CSF3R: variants seen among roughly 807,000 people sequenced by gnomAD.
The protein encoded by CSF3R is granulocyte colony-stimulating factor receptor.
Under a neutral mutation model 84.4 loss-of-function variants are expected in CSF3R, and 52 were observed. The observed-to-expected ratio is 0.62, with a 90% confidence interval of 0.49 to 0.78. CSF3R has a LOEUF of 0.78. CSF3R is among the 30% of genes least tolerant of loss of function. The probability of loss-of-function intolerance (pLI) is 0.00; values close to 1 mark genes in which losing one functional copy is unlikely to be tolerated. For missense variants in CSF3R, 890 were observed against 1,055.7 expected (o/e 0.84, Z 2.17); for synonymous variants, 384 against 429.1 (o/e 0.89, Z 1.30).
In CSF3R at chr1:36,476,094, C is replaced by G. The variant is rs1365034394; in HGVS notation, c.65-421G>C. ...CCCAGTGCCCTCCCCAAGGATGGTG[C>G]AAGCAGTGATTAGAGTGATAAGAAC... On this transcript the variant is annotated intron_variant, in intron 3 of 16. Coordinates refer to ENST00000373106, the MANE Select transcript of CSF3R (RefSeq NM_000760.4). The G allele has an allele frequency of 2.2e-5, 4 of 178,806 alleles. No individual in the cohort carries two copies. In the East Asian group the frequency reaches 4.3e-4, roughly 19 times the overall value. The allele number at this position is 178,806 out of a possible 1,614,324, so 11.1% of individuals were successfully genotyped here. A position where few individuals can be genotyped will look rare whatever the true frequency, so the allele number is the denominator to read the frequency against.
At position 36,473,819 on chromosome 1, in the gene CSF3R, AC is replaced by A. The variant is rs1291126295; in HGVS notation, c.429del (p.Gln143HisfsTer16). On this transcript the variant is annotated frameshift_variant, in exon 5 of 17. Transcript: ENST00000373106. LOFTEE classifies it high-confidence loss of function. Reference protein sequence around the residue: ...MNLTTSSLICQWEPGPETHLP... With the variant: ...MNLTTSSLICXWEPGPETHLP... ...AGGTGGGTCTCAGGTCCTGGCTCCC[AC>A]TGGCAGATGAGGCTGCTGGTTGTGA... 6.2e-7 allele frequency: 1 copy of A among 1,614,184 alleles called. No individual in the cohort carries two copies. The highest frequency in any genetic ancestry group is 8.5e-7 in the Non-Finnish European group (1 of 1,180,010).
At chr1:36,479,658 C>T in intron 2 of CSF3R, 142 bp from the exon 3 acceptor site, 1 of 713,620 alleles carries the variant, frequency 1.4e-6, no homozygotes, top group South Asian at 1.5e-5. Flanking sequence ...TAACAGCAGC[C>T]TATACTGCAT....
In CSF3R at chr1:36,472,116, A is replaced by G. The variant is rs1440660661; in HGVS notation, c.1021T>C (p.Trp341Arg). The G allele has an allele frequency of 1.2e-6, 2 of 1,613,870 alleles. No individual in the cohort carries two copies. Among genetic ancestry groups the G allele is most frequent in the Non-Finnish European group, 8.5e-7 (1 of 1,180,022 alleles). ...GGGTCCAGCTGCCTCTGCCGCCACC[A>G]TGTGTCCAGTCTGACAGTGGGGGCT... ...ERAPTVRLDT[W>R]WRQRQLDPRT... Residue 341 changes from tryptophan to arginine, a missense_variant, in exon 9 of 17, where the codon TGG becomes CGG. Transcript: ENST00000373106. This position sits in a 1 kb window ranked among gnomAD's most constrained non-coding sequence, Gnocchi z 5.0.
chr1:36,470,560 A>G (rs911565437), intron 10 of CSF3R, among the ~76,000 whole-genome samples: 20 of 152,338 alleles, frequency 1.3e-4, no homozygotes, highest in African/African-American at 4.1e-4. Context: ...CATTTTACTA[A>G]TGAGAAAACT....
intron 2 of CSF3R, among the ~76,000 whole-genome samples, chr1:36,481,219 C>T (rs557828798): frequency 4.6e-5 from 7 of 152,318 alleles, no homozygotes; most frequent in South Asian, 2.1e-4. Flanking sequence ...CCACCCTATC[C>T]GCCTCCACTG....
At chr1:36,468,904 G>A in intron 12 of CSF3R, 1 of 503,112 alleles carries the variant, frequency 2.0e-6, no homozygotes, top group Non-Finnish European at 3.6e-6. Context: ...ATTTTTGTCT[G>A]GGAAATGGTT....
chr1:36,482,342 C>T (rs186511383), intron 1 of CSF3R, among the ~76,000 whole-genome samples: 56 of 151,066 alleles, frequency 3.7e-4, no homozygotes, highest in Admixed American at 1.2e-3. Context: ...GCCCGGGAAG[C>T]GTCTGTTACC....
intron 10 of CSF3R, 78 bp from the exon 11 acceptor site, chr1:36,469,918 C>A: frequency 6.7e-7 from 1 of 1,503,352 alleles, no homozygotes; most frequent in Non-Finnish European, 9.1e-7. Context: ...GGTTCAAATC[C>A]TGGCTTTGCT....
intron 3 of CSF3R, 87 bp downstream of exon 3, chr1:36,479,346 G>A: frequency 7.8e-7 from 1 of 1,288,706 alleles, no homozygotes; most frequent in Non-Finnish European, 1.1e-6. Context: ...GGAATCCCAG[G>A]AGCCATGTGG....
intron 4 of CSF3R, among the ~76,000 whole-genome samples, chr1:36,474,996 TC>T (rs1209494731): frequency 1.4e-5 from 2 of 146,582 alleles, no homozygotes; most frequent in Non-Finnish European, 3.0e-5. Context: ...TAGGTAGTAC[TC>T]TTTTTTTTTT....
rs115834435 is a variant in CSF3R, at chr1:36,474,006, G to A, written c.362-119C>T. ...TGGTTCCTCTGTTGTCACCTTGTCTGTCCCCCTGTCTCCAGGCAGAGTGGC... is the reference window on the plus strand; with the variant it reads ...TGGTTCCTCTGTTGTCACCTTGTCTATCCCCCTGTCTCCAGGCAGAGTGGC... On this transcript the variant is annotated intron_variant, in intron 4 of 16. Transcript: ENST00000373106. The A allele has an allele frequency of 1.8e-4, 262 of 1,458,696 alleles. 1 individual carries two copies. The African/African-American group carries it at 3.4e-3, about 19-fold the overall frequency. The allele number at this position is 1,458,696 out of a possible 1,614,324, so 90.4% of individuals were successfully genotyped here. A position where few individuals can be genotyped will look rare whatever the true frequency, so the allele number is the denominator to read the frequency against.
chr1:36,472,958 C>A lies in CSF3R; in HGVS notation c.674-272G>T. The stretch of plus-strand genomic sequence containing the variant: ...CCCTCATTTCCTTCAAGGATCTGCT[C>A]AATTGTCACCCTCTTAGTGAGGCCT... On this transcript the variant is annotated intron_variant, in intron 6 of 16. Coordinates refer to ENST00000373106, the MANE Select transcript of CSF3R (RefSeq NM_000760.4). The surrounding 1 kb of genome is among the most constrained non-coding windows in gnomAD (Gnocchi z 5.0). The A allele has an allele frequency of 2.0e-6, 1 of 502,352 alleles. No individual in the cohort carries two copies. Among genetic ancestry groups the A allele is most frequent in the East Asian group, 3.4e-5 (1 of 29,336 alleles). 31.1% of individuals were successfully genotyped at this position (502,352 alleles called of 1,614,324 possible).
In CSF3R at chr1:36,472,241, G is replaced by A. The variant is rs112400536; in HGVS notation, c.994C>T (p.Arg332Trp). The A allele has an allele frequency of 1.2e-5, 20 of 1,614,130 alleles. No individual in the cohort carries two copies. Among genetic ancestry groups the A allele is most frequent in the African/African-American group, 1.1e-4 (8 of 75,038 alleles). ...CAGCCTCTCATCACCTCCTTACCCC[G>A]TTCGGTAGTTCTCAGCTCCAGGCTG... ...SPSLELRTTE[R>W]APTVRLDTWW... Residue 332 changes from arginine (R) to tryptophan (W), a missense_variant, in exon 8 of 17, where the codon CGG becomes TGG. Physicochemically the swap from Arg to Trp is moderately radical, Grantham distance 101. Transcript: ENST00000373106. The surrounding 1 kb of genome is among the most constrained non-coding windows in gnomAD (Gnocchi z 5.0).
In CSF3R at chr1:36,466,463, G is replaced by A. The variant is rs371426547; in HGVS notation, c.2405C>T (p.Thr802Ile). 1.3e-5 allele frequency: 21 copies of A among 1,612,202 alleles called. No individual in the cohort carries two copies. The highest frequency in any genetic ancestry group is 1.7e-4 in the Middle Eastern group (1 of 5,988). ...GTCGTCCTCCTGGCTTGGGGCTGGG[G>A]TTACCAGGGTCCCCAAGGGGCTGGC... is the stretch of plus-strand genomic sequence containing the variant. ...FQASPLGTLV[T>I]PAPSQEDDCV... is the part of the protein sequence containing the mutation. Residue 802 changes from threonine (T) to isoleucine (I), a missense_variant, in exon 17 of 17, where the codon ACC (threonine) becomes ATC (isoleucine). Thr to Ile is a moderately conservative substitution (Grantham distance 89, BLOSUM62 -1). Transcript: ENST00000373106. This position sits in a 1 kb window ranked among gnomAD's most constrained non-coding sequence, Gnocchi z 4.6.
rs142503546 is a variant in CSF3R, at chr1:36,469,223, G to A, written c.1509C>T (p.Ile503=). Residue 503 remains isoleucine, a synonymous_variant, in exon 12 of 17, where the codon ATC becomes ATT. Transcript: ENST00000373106. ...NIRPFQLYEI[I]VTPLYQDTMG... ...TGGTGTCCTGGTACAAGGGAGTCACGATGATCTCATAGAGCTGAAAGGGCC... is the reference window on the plus strand; with the variant it reads ...TGGTGTCCTGGTACAAGGGAGTCACAATGATCTCATAGAGCTGAAAGGGCC... 3.9e-5 allele frequency: 63 copies of A among 1,614,098 alleles called. No individual in the cohort carries two copies. The African/African-American group carries it at 6.1e-4, about 16-fold the overall frequency.
In CSF3R at chr1:36,479,487, G is replaced by C. The variant is rs1557600919; in HGVS notation, c.10C>G (p.Leu4Val). 1 of 1,614,236 alleles carries C rather than the reference G, an allele frequency of 6.2e-7. No individual in the cohort carries two copies. The change falls in exon 3 of 17, where the codon CTG (leucine) becomes GTG (valine). Residue 4 changes from leucine (L) to valine (V), a missense_variant. Leu to Val is a conservative substitution (Grantham distance 32). Coordinates refer to ENST00000373106, the MANE Select transcript of CSF3R (RefSeq NM_000760.4). MARLGNCSLTWAAL... is the reference protein window; with the variant it reads MARVGNCSLTWAAL... ...GCCCAAGTCAGGCTGCAGTTTCCCAGCCTTGCCATAGCACCAACTTGATGT... is the reference window on the plus strand; with the variant it reads ...GCCCAAGTCAGGCTGCAGTTTCCCACCCTTGCCATAGCACCAACTTGATGT...
intron 4 of CSF3R, among the ~76,000 whole-genome samples, chr1:36,474,515 A>T (rs949878527): frequency 4.7e-5 from 7 of 148,304 alleles, no homozygotes; most frequent in African/African-American, 1.8e-4. Context: ...GGGTTTCCCC[A>T]TGTTGGCCAG....
rs1032086571 is a variant in CSF3R at position 36,472,500 on chromosome 1, G to T, written c.843+17C>A. 1.8e-5 allele frequency: 29 copies of T among 1,614,022 alleles called. No individual in the cohort carries two copies. The highest frequency in any genetic ancestry group is 2.3e-5 in the Non-Finnish European group (27 of 1,180,024). On this transcript the variant is annotated intron_variant, in intron 7 of 16. Transcript: ENST00000373106. The surrounding 1 kb of genome is among the most constrained non-coding windows in gnomAD (Gnocchi z 5.0). ...GCCCCCACCACCTCAGGCTCTCCAGGTTGCCCTCTGCCTCACCAGTGCCCA... is the reference window on the plus strand; with the variant it reads ...GCCCCCACCACCTCAGGCTCTCCAGTTTGCCCTCTGCCTCACCAGTGCCCA...
chr1:36,467,648 C>G lies in CSF3R; in HGVS notation c.1868G>C (p.Gly623Ala). 6.2e-7 allele frequency: 1 copy of G among 1,614,184 alleles called. No individual in the cohort carries two copies. The highest frequency in any genetic ancestry group is 8.5e-7 in the Non-Finnish European group (1 of 1,180,038). The part of the protein sequence containing the change: ...VLTLMTLTPE[G>A]SELHIILGLF... The stretch of plus-strand genomic sequence containing the variant: ...GCCCAGGATGATGTGTAGCTCCGAC[C>G]CCTCTGCAGTGAGGGCAGGGCCGGA... The change falls in exon 15 of 17, where the codon GGG becomes GCG. Residue 623 changes from glycine (G) to alanine (A), a missense_variant. Transcript: ENST00000373106. This position sits in a 1 kb window ranked among gnomAD's most constrained non-coding sequence, Gnocchi z 4.1.
Sources: allele counts gnomAD v4.1 joint callset (sites outside exome capture counted in the v4.1 genomes callset), GRCh38; gene constraint gnomAD v4.1.1; non-coding constraint Gnocchi (gnomAD v3.1); transcripts MANE v1.5; gene names NCBI Gene and HGNC (gene_info 2026-07-23, HGNC 2026-07-21).